Variants in NLN observed in about 807,000 individuals in gnomAD.
NLN encodes neurolysin.
A neutral mutation model predicts 79.9 loss-of-function variants in NLN; 64 were observed. That is an observed-to-expected ratio of 0.80 (90% CI 0.65 to 0.99). The LOEUF (loss-of-function observed/expected upper bound fraction) is 0.99. NLN is among the 50% of genes least tolerant of loss of function. The pLI is 0.00. For synonymous variants in NLN, 267 were observed against 296.6 expected (o/e 0.90, Z 1.02); for missense variants, 835 against 858.7 (o/e 0.97, Z 0.34).
intron 1 of NLN, among the ~76,000 whole-genome samples, chr5:65,726,866 CT>C (rs1758484530): frequency 1.3e-5 from 2 of 152,166 alleles, no homozygotes; most frequent in African/African-American, 4.8e-5. Context: ...GGAGGACCCC[CT>C]GTGTTCTCCT....
At chr5:65,774,320 T>C (rs1759634032) in intron 3 of NLN, among the ~76,000 whole-genome samples, 2 of 152,256 alleles carry the variant, frequency 1.3e-5, no homozygotes, top group South Asian at 4.2e-4. Flanking sequence ...CTAAGAACTT[T>C]AGCCTTCTAC....
At chr5:65,802,681 A>C (rs958895139) in intron 9 of NLN, among the ~76,000 whole-genome samples, 1 of 152,204 alleles carries the variant, frequency 6.6e-6, no homozygotes, top group African/African-American at 2.4e-5. Flanking sequence ...CAAGGCAAAG[A>C]GGAGCTTTAC....
chr5:65,823,854 G>A lies in NLN; in HGVS notation c.*939G>A, dbSNP rs1055905941. 7 of 152,242 alleles carry A rather than the reference G, an allele frequency of 4.6e-5. No homozygotes were observed. The highest frequency in any genetic ancestry group is 1.7e-4 in the African/African-American group (7 of 41,444). The allele number at this position is 152,242 out of a possible 1,614,324, so 9.4% of individuals were successfully genotyped here. A position where few individuals can be genotyped will look rare whatever the true frequency, so the allele number is the denominator to read the frequency against. On this transcript the variant is annotated 3_prime_UTR_variant, in exon 13 of 13. Transcript: ENST00000380985. ...CCATGGGAAGAGAGAGGAGGTGGAT[G>A]TGGAACATAAAGGGTTCAGAAACTC...
chr5:65,808,136 C>T (rs1236914045), intron 9 of NLN, among the ~76,000 whole-genome samples: 1 of 152,088 alleles, frequency 6.6e-6, no homozygotes, highest in Non-Finnish European at 1.5e-5. Context: ...TTTAGTTATC[C>T]TTGCCCCTTT....
At chr5:65,780,132 G>T in intron 4 of NLN, 47 bp from the exon 5 acceptor site, 1 of 809,674 alleles carries the variant, frequency 1.2e-6, no homozygotes, top group Non-Finnish European at 2.1e-6. Context: ...GGCAAAAAAT[G>T]AGTTTCTTTT....
intron 4 of NLN, 64 bp from the exon 5 acceptor site, chr5:65,780,115 C>T (rs6449790): frequency 6.9e-6 from 5 of 726,352 alleles, no homozygotes; most frequent in African/African-American, 3.6e-5. Context: ...TGTGGGCCAC[C>T]GTGCCTGGCA....
In NLN at chr5:65,823,104, C is replaced by A; in HGVS notation, c.*189C>A. ...AAATACTGTGACCTAAGAAAAGACCCACTAGAAAGTAATTGTACTATAAAA... is the reference window on the plus strand; with the variant it reads ...AAATACTGTGACCTAAGAAAAGACCAACTAGAAAGTAATTGTACTATAAAA... On this transcript the variant is annotated 3_prime_UTR_variant, in exon 13 of 13. Coordinates refer to ENST00000380985, the MANE Select transcript of NLN (RefSeq NM_020726.5). 1 of 480,238 alleles carries A rather than the reference C, an allele frequency of 2.1e-6. No individual in the cohort carries two copies. The highest frequency in any genetic ancestry group is 3.7e-6 in the Non-Finnish European group (1 of 271,888). 29.7% of individuals were successfully genotyped at this position (480,238 alleles called of 1,614,324 possible).
At position 65,816,581 on chromosome 5, in the gene NLN, A is replaced by G. The variant is rs1262404926; in HGVS notation, c.1980+4190A>G. Among the ~76,000 whole-genome samples the G allele has an allele frequency of 1.9e-4, 29 of 152,088 alleles. 1 individual carries two copies. The highest frequency in any genetic ancestry group is 1.9e-3 in the Admixed American group (29 of 15,274). On this transcript the variant is annotated intron_variant, in intron 12 of 12. Transcript: ENST00000380985. ...GAAAAATACTTCTTCAGACCAGTAC[A>G]CCATACATTACTTATTTTGTGCCAC...
At chr5:65,799,798 GA>G (rs1210204398) in intron 9 of NLN, among the ~76,000 whole-genome samples, 1 of 152,178 alleles carries the variant, frequency 6.6e-6, no homozygotes, top group African/African-American at 2.4e-5. Flanking sequence ...GATAAAGAAG[GA>G]TGTCAACACA....
chr5:65,722,223 G>C lies in NLN; in HGVS notation c.-151G>C, dbSNP rs943792796. ...GGCTGGTAGGCGCCGGCGTGGAGCTGCCGCACGTGGGAGGGCGCTGGCCAG... is the reference window on the plus strand; with the variant it reads ...GGCTGGTAGGCGCCGGCGTGGAGCTCCCGCACGTGGGAGGGCGCTGGCCAG... On this transcript the variant is annotated 5_prime_UTR_variant, in exon 1 of 13. Transcript: ENST00000380985. 33 of 416,130 alleles carry C rather than the reference G, an allele frequency of 7.9e-5. No individual in the cohort carries two copies. The South Asian group carries it at 1.1e-3, about 14-fold the overall frequency. 25.8% of individuals were successfully genotyped at this position (416,130 alleles called of 1,614,324 possible). A position where few individuals can be genotyped will look rare whatever the true frequency, so the allele number is the denominator to read the frequency against.
rs1760839534 is a variant in NLN, at chr5:65,823,222, GA to G, written c.*308del. ...TTATAATCTAGATAATATGATATAA[GA>G]GGGCTAAGAATTTTTAAATTGAATC... On this transcript the variant is annotated 3_prime_UTR_variant, in exon 13 of 13. Coordinates refer to ENST00000380985, the MANE Select transcript of NLN (RefSeq NM_020726.5). The G allele has an allele frequency of 4.5e-6, 1 of 221,344 alleles. No individual in the cohort carries two copies. Among genetic ancestry groups the G allele is most frequent in the Admixed American group, 5.2e-5 (1 of 19,140 alleles). The allele number at this position is 221,344 out of a possible 1,614,324, so 13.7% of individuals were successfully genotyped here. A position where few individuals can be genotyped will look rare whatever the true frequency, so the allele number is the denominator to read the frequency against.
chr5:65,744,472 C>CTTT (rs199944194), intron 1 of NLN, among the ~76,000 whole-genome samples: 1,974 of 139,570 alleles, frequency 0.014, 44 homozygotes, highest in African/African-American at 0.049. Flanking sequence ...TCTCTCTCCC[C>CTTT]TTTTTTTTTT....
Position 65,816,610 on chromosome 5 carries a change from C to T in NLN, c.1980+4219C>T, listed in dbSNP as rs150406217. Among the ~76,000 whole-genome samples the T allele has an allele frequency of 2.6e-3, 395 of 151,818 alleles. 1 individual carries two copies. Among genetic ancestry groups the T allele is most frequent in the African/African-American group, 8.6e-3 (357 of 41,428 alleles). On this transcript the variant is annotated intron_variant, in intron 12 of 12. Coordinates refer to ENST00000380985, the MANE Select transcript of NLN (RefSeq NM_020726.5). ...TACATTACTTATTTTGTGCCACAAC[C>T]ACAGAGTGTTATTAGCCAACACTGA...
intron 1 of NLN, among the ~76,000 whole-genome samples, chr5:65,738,489 C>T (rs1696408819): frequency 6.6e-6 from 1 of 151,474 alleles, no homozygotes; most frequent in African/African-American, 2.4e-5. Flanking sequence ...GAGAGGATAG[C>T]TTGAGCCCAG....
At chr5:65,735,246 A>G (rs1758706189) in intron 1 of NLN, among the ~76,000 whole-genome samples, 1 of 152,322 alleles carries the variant, frequency 6.6e-6, no homozygotes, top group Admixed American at 6.5e-5. Context: ...AGCCATGCTG[A>G]ACTGTGAATC....
chr5:65,751,030 A>G (rs528495755), intron 1 of NLN, among the ~76,000 whole-genome samples: 5 of 152,342 alleles, frequency 3.3e-5, no homozygotes, highest in African/African-American at 1.2e-4. Flanking sequence ...TAGCCACACA[A>G]GAGAAATAAT....
At chr5:65,792,433 A>G (rs764861891) in intron 8 of NLN, 21 bp from the exon 9 acceptor site, 1 of 1,576,078 alleles carries the variant, frequency 6.3e-7, no homozygotes, top group Non-Finnish European at 8.7e-7. Context: ...TATGTTGCCA[A>G]CGCGTGTTTC....
chr5:65,742,076 T>C (rs1758879656), intron 1 of NLN, among the ~76,000 whole-genome samples: 1 of 152,180 alleles, frequency 6.6e-6, no homozygotes, highest in African/African-American at 2.4e-5. Context: ...TGCCCTTAAG[T>C]AGTTTCTAAC....
chr5:65,753,930 G>A (rs1036344505), intron 1 of NLN, among the ~76,000 whole-genome samples: 3 of 152,102 alleles, frequency 2.0e-5, no homozygotes, highest in Non-Finnish European at 2.9e-5. Flanking sequence ...GAAATTTTCA[G>A]CCAACTGTAT....
Sources: allele counts gnomAD v4.1 joint callset (sites outside exome capture counted in the v4.1 genomes callset), GRCh38; gene constraint gnomAD v4.1.1; transcripts MANE v1.5; gene names NCBI Gene and HGNC (gene_info 2026-07-23, HGNC 2026-07-21).